Variants in WDFY3 observed in about 807,000 individuals in gnomAD.
WDFY3 encodes the protein WD repeat and FYVE domain-containing protein 3.
Under a neutral mutation model 409.6 loss-of-function variants are expected in WDFY3, and 66 were observed. That is an observed-to-expected ratio of 0.16 (90% confidence interval 0.13 to 0.20). The LOEUF (loss-of-function observed/expected upper bound fraction) is 0.20, where lower values mean the gene tolerates loss of function less well. Ranked by LOEUF, WDFY3 falls within the 10% of genes least tolerant of loss-of-function variation. WDFY3 has a pLI of 1.00. For synonymous variants in WDFY3, 1,521 were observed against 1,537.1 expected, an observed-to-expected ratio of 0.99 and a Z score of 0.25; for missense variants, 3,031 against 4,298.1, an observed-to-expected ratio of 0.71 and a Z score of 8.24.
chr4:84,687,551 A>G (rs1016645668), intron 62 of WDFY3, among the ~76,000 whole-genome samples: 2 of 152,196 alleles, frequency 1.3e-5, no homozygotes, highest in Non-Finnish European at 2.9e-5. Context: ...TACTGCATGG[A>G]GCAGTGAATG....
chr4:84,842,483 A>C (rs1757505926), intron 5 of WDFY3, among the ~76,000 whole-genome samples: 1 of 151,962 alleles, frequency 6.6e-6, no homozygotes. Flanking sequence ...TCTCAAAAAA[A>C]AAAAAAGAAG....
At chr4:84,800,362 T>C (rs1258430165) in intron 17 of WDFY3, among the ~76,000 whole-genome samples, 1 of 152,196 alleles carries the variant, frequency 6.6e-6, no homozygotes, top group Non-Finnish European at 1.5e-5. Context: ...CTACCCAGAC[T>C]TTTGGAAGGG....
intron 3 of WDFY3, among the ~76,000 whole-genome samples, chr4:84,875,844 C>T (rs1455220727): frequency 1.3e-5 from 2 of 152,142 alleles, no homozygotes; most frequent in Non-Finnish European, 2.9e-5. Context: ...TCTTCAGGGA[C>T]GATAACCCAT....
chr4:84,804,369 A>C (rs1751162761), intron 15 of WDFY3, among the ~76,000 whole-genome samples: 1 of 152,220 alleles, frequency 6.6e-6, no homozygotes, highest in Admixed American at 6.5e-5. Flanking sequence ...CTCTGGGACA[A>C]GAGCAGCTTG....
intron 26 of WDFY3, 151 bp downstream of exon 26, chr4:84,779,957 G>T: frequency 1.3e-6 from 1 of 793,120 alleles, no homozygotes; most frequent in Non-Finnish European, 1.9e-6. Flanking sequence ...ACTTTCATTT[G>T]ACATATATTA....
Position 84,684,092 on chromosome 4 carries a change from G to A in WDFY3, c.9577C>T (p.His3193Tyr). 1.2e-6 allele frequency: 2 copies of A among 1,605,652 alleles called. No individual in the cohort carries two copies. Among genetic ancestry groups the A allele is most frequent in the South Asian group, 2.2e-5 (2 of 90,756 alleles). ...GGGTTCCCATTGATGCTCCACACAT[G>A]GATATATGTGCCAGCGCAGGACACA... ...DIVSCAGTYIHVWSINGNPIV... is the reference protein window; with the variant it reads ...DIVSCAGTYIYVWSINGNPIV... The change falls in exon 63 of 68, where the codon CAT (histidine) becomes TAT (tyrosine). Residue 3193 changes from histidine to tyrosine, a missense_variant. By Grantham distance (83) the His-to-Tyr change is moderately conservative. This residue lies in a region of WDFY3 where 378 missense variants were observed against 477.3 expected (regional missense o/e 0.79). Coordinates refer to ENST00000295888, the MANE Select transcript of WDFY3 (RefSeq NM_014991.6).
chr4:84,705,017 T>A (rs1005635514), intron 54 of WDFY3, among the ~76,000 whole-genome samples: 1 of 152,178 alleles, frequency 6.6e-6, no homozygotes, highest in African/African-American at 2.4e-5. Context: ...TAATTTTTTT[T>A]AAATGCAAAA....
At position 84,691,744 on chromosome 4, in the gene WDFY3, C is replaced by T; in HGVS notation, c.9091G>A (p.Gly3031Ser). ...TTATTCTGTTCCACCGCAAGAATAC[C>T]TTTATCTGTACATACGATTTGTCCT... ...PVGQIVCTDK[G>S]ILAVEQNKVL... The change falls in exon 60 of 68, where the codon GGT becomes AGT. Residue 3031 changes from glycine to serine, a missense_variant. By Grantham distance (56) the Gly-to-Ser change is moderately conservative. This residue lies in a region of WDFY3 where 152 missense variants were observed against 193.5 expected (regional missense o/e 0.79). Transcript: ENST00000295888. The T allele has an allele frequency of 6.2e-7, 1 of 1,613,998 alleles. No homozygotes were observed. Among genetic ancestry groups the T allele is most frequent in the Non-Finnish European group, 8.5e-7 (1 of 1,179,900 alleles).
intron 18 of WDFY3, among the ~76,000 whole-genome samples, chr4:84,797,646 T>C (rs1049402110): frequency 2.0e-5 from 3 of 151,998 alleles, no homozygotes; most frequent in Non-Finnish European, 4.4e-5. Context: ...AGTGGCGCGA[T>C]CTCGGCTCAC....
intron 1 of WDFY3, among the ~76,000 whole-genome samples, chr4:84,949,590 T>C (rs574820476): frequency 6.6e-6 from 1 of 152,348 alleles, no homozygotes; most frequent in Non-Finnish European, 1.5e-5. Context: ...TGAACAATGC[T>C]GAATTCTTCT....
At chr4:84,768,243 G>C (rs962179624) in intron 30 of WDFY3, among the ~76,000 whole-genome samples, 1 of 152,216 alleles carries the variant, frequency 6.6e-6, no homozygotes, top group Non-Finnish European at 1.5e-5. Context: ...GATTTAGTAA[G>C]ATAATTAATG....
chr4:84,947,514 AAATAATAATAAT>A (rs200130662), intron 1 of WDFY3, among the ~76,000 whole-genome samples: 54 of 140,540 alleles, frequency 3.8e-4, no homozygotes, highest in Middle Eastern at 3.6e-3. Flanking sequence ...TCCGTCTCAA[AAATAATAATAAT>A]AATAATAATA....
At chr4:84,940,474 AG>A (rs1435470351) in intron 1 of WDFY3, among the ~76,000 whole-genome samples, 2 of 152,158 alleles carry the variant, frequency 1.3e-5, no homozygotes, top group Non-Finnish European at 2.9e-5. Context: ...TTTTAAAAAA[AG>A]GTTTACTTTG....
In WDFY3 at chr4:84,773,809, C is replaced by T. The variant is rs570340258; in HGVS notation, c.4755-880G>A. ...GATCTTGGCTCACTGCAACCTCCGC[C>T]TCCCGGGTTCAAGTGATTCTCCTGC... is the stretch of plus-strand genomic sequence containing the variant. On this transcript the variant is annotated intron_variant, in intron 29 of 67. Transcript: ENST00000295888. Among the ~76,000 whole-genome samples the T allele has an allele frequency of 4.3e-3, 652 of 152,264 alleles. 7 individuals carry two copies. Among genetic ancestry groups the T allele is most frequent in the Non-Finnish European group, 6.1e-3 (415 of 68,014 alleles).
chr4:84,732,669 C>T (rs1406124045), intron 44 of WDFY3, among the ~76,000 whole-genome samples: 2 of 152,052 alleles, frequency 1.3e-5, no homozygotes, highest in Admixed American at 1.3e-4. Flanking sequence ...AACATAATGT[C>T]CTCCAGGTTC....
intron 64 of WDFY3, among the ~76,000 whole-genome samples, chr4:84,681,871 G>A (rs1727409887): frequency 6.6e-6 from 1 of 152,142 alleles, no homozygotes; most frequent in Non-Finnish European, 1.5e-5. Context: ...ACAAATAATG[G>A]ACTATAGGTA....
intron 3 of WDFY3, among the ~76,000 whole-genome samples, chr4:84,862,769 C>T (rs1043073804): frequency 4.6e-5 from 7 of 152,030 alleles, no homozygotes; most frequent in African/African-American, 1.4e-4. Context: ...GGGTGGATCA[C>T]GAGGTCAGGG....
intron 67 of WDFY3, among the ~76,000 whole-genome samples, chr4:84,675,196 T>G (rs1489258210): frequency 2.6e-5 from 4 of 151,974 alleles, no homozygotes; most frequent in Non-Finnish European, 5.9e-5. Context: ...CCTCAGGTGA[T>G]CAGCCCACCT....
chr4:84,963,058 G>A (rs1775116203), intron 1 of WDFY3, among the ~76,000 whole-genome samples: 1 of 150,758 alleles, frequency 6.6e-6, no homozygotes, highest in South Asian at 2.1e-4. Context: ...TAAATATCAG[G>A]AAGGCAGATT....
Sources: allele counts gnomAD v4.1 joint callset (sites outside exome capture counted in the v4.1 genomes callset), GRCh38; gene constraint gnomAD v4.1.1; regional missense constraint gnomAD v4.1.1; transcripts MANE v1.5; gene names NCBI Gene and HGNC (gene_info 2026-07-23, HGNC 2026-07-21).